The following CACNA2D3 variants were observed in gnomAD, a reference collection of about 807,000 sequenced individuals.
CACNA2D3 encodes calcium voltage-gated channel auxiliary subunit alpha2delta 3.
A neutral mutation model predicts 160.6 loss-of-function variants in CACNA2D3; 60 were observed. The ratio of observed to expected loss-of-function variants is 0.37; its 90% CI spans 0.30 to 0.46. The LOEUF (loss-of-function observed/expected upper bound fraction) is 0.46. Among genes scored for constraint, CACNA2D3 ranks in the 20% least tolerant of loss-of-function variants. CACNA2D3 has a pLI of 1.00. For missense variants in CACNA2D3, 1,205 were observed against 1,365.0 expected (o/e 0.88, Z 1.85); for synonymous variants, 558 against 492.9 (o/e 1.13, Z -1.75).
chr3:54,756,434 A>G (rs565773808), intron 12 of CACNA2D3, among the ~76,000 whole-genome samples: 18 of 152,308 alleles, frequency 1.2e-4, no homozygotes, highest in Middle Eastern at 3.4e-3. Context: ...TTCTATGGTC[A>G]TTAATTAAAT....
intron 2 of CACNA2D3, among the ~76,000 whole-genome samples, chr3:54,129,612 G>C (rs1355128061): frequency 6.6e-6 from 1 of 152,216 alleles, no homozygotes; most frequent in East Asian, 1.9e-4. Context: ...GTGCACTTCA[G>C]AGTATTTATC....
intron 2 of CACNA2D3, among the ~76,000 whole-genome samples, chr3:54,191,350 C>T (rs62252186): frequency 0.014 from 2,146 of 152,070 alleles, 20 homozygotes; most frequent in South Asian, 0.027. Flanking sequence ...ATTTTTCTGC[C>T]TTCTGGCCAT....
chr3:54,609,254 G>T, intron 9 of CACNA2D3, among the ~76,000 whole-genome samples: 1 of 152,158 alleles, frequency 6.6e-6, no homozygotes, highest in Non-Finnish European at 1.5e-5. Flanking sequence ...CAAGAAAGGA[G>T]GCCTCGGGAG....
chr3:54,170,442 A>G (rs1700541724), intron 2 of CACNA2D3, among the ~76,000 whole-genome samples: 1 of 152,234 alleles, frequency 6.6e-6, no homozygotes, highest in South Asian at 2.1e-4. Context: ...TGATAAACAT[A>G]TTCTTGATTC....
intron 2 of CACNA2D3, among the ~76,000 whole-genome samples, chr3:54,234,215 A>G (rs887851251): frequency 6.6e-5 from 10 of 152,230 alleles, no homozygotes; most frequent in African/African-American, 2.4e-4. Context: ...AAAAGAAGAC[A>G]TACATGCAGC....
At chr3:54,373,412 A>C (rs1324751351) in intron 3 of CACNA2D3, among the ~76,000 whole-genome samples, 3 of 152,190 alleles carry the variant, frequency 2.0e-5, no homozygotes, top group Non-Finnish European at 4.4e-5. Flanking sequence ...CTGGTATGTT[A>C]TGAATGAACA....
At chr3:54,233,075 G>A (rs920816933) in intron 2 of CACNA2D3, among the ~76,000 whole-genome samples, 1 of 152,166 alleles carries the variant, frequency 6.6e-6, no homozygotes, top group Non-Finnish European at 1.5e-5. Context: ...GTGGTTGGGT[G>A]TGTTCAGGAA....
chr3:54,418,437 A>G (rs1188312578), intron 4 of CACNA2D3, among the ~76,000 whole-genome samples: 6 of 152,214 alleles, frequency 3.9e-5, no homozygotes, highest in African/African-American at 1.4e-4. Flanking sequence ...AGGAGGAATT[A>G]TAGCTTAAAG....
chr3:54,612,075 C>T (rs1026851895), intron 9 of CACNA2D3, among the ~76,000 whole-genome samples: 1 of 152,158 alleles, frequency 6.6e-6, no homozygotes, highest in African/African-American at 2.4e-5. Flanking sequence ...AGTTGGCTGT[C>T]CCAGGGTTGG....
chr3:54,262,543 A>G (rs1358047538), intron 2 of CACNA2D3, among the ~76,000 whole-genome samples: 2 of 152,186 alleles, frequency 1.3e-5, no homozygotes. Context: ...AAATATGTTC[A>G]GGCTTTCAAA....
rs1480111980 is a variant in CACNA2D3 at position 54,942,126 on chromosome 3, C to A, written c.2450-26324C>A. ...CTAGAGCCTGGCAATCCTTTGTTAC[C>A]TTAGCCATGGCATCCCAGAGCATCT... On this transcript the variant is annotated intron_variant, in intron 27 of 37. Transcript: ENST00000474759. Among the ~76,000 whole-genome samples, 5 of 152,232 alleles carry A rather than the reference C, an allele frequency of 3.3e-5. No homozygotes were observed. In the East Asian group the frequency reaches 9.6e-4, roughly 29 times the overall value.
chr3:54,657,867 A>T (rs1454912688), intron 11 of CACNA2D3, among the ~76,000 whole-genome samples: 2 of 152,088 alleles, frequency 1.3e-5, no homozygotes, highest in Non-Finnish European at 2.9e-5. Flanking sequence ...CGTCTCTACT[A>T]AAAATACAAA....
chr3:54,823,997 C>G (rs1703696170), intron 14 of CACNA2D3, among the ~76,000 whole-genome samples: 3 of 152,118 alleles, frequency 2.0e-5, no homozygotes, highest in Admixed American at 1.3e-4. Context: ...GTTAACCTAA[C>G]AATAGTCTGC....
At chr3:54,586,125 G>C (rs1175641569) in intron 9 of CACNA2D3, among the ~76,000 whole-genome samples, 1 of 152,016 alleles carries the variant, frequency 6.6e-6, no homozygotes, top group South Asian at 2.1e-4. Flanking sequence ...TTAGCTGGGC[G>C]TGGTGGCACA....
At chr3:54,770,224 T>C (rs2107110679) in intron 13 of CACNA2D3, among the ~76,000 whole-genome samples, 1 of 152,324 alleles carries the variant, frequency 6.6e-6, no homozygotes, top group Non-Finnish European at 1.5e-5. Flanking sequence ...CTGTTTTTAG[T>C]AGTGGTATTT....
chr3:55,035,372 G>A (rs972403511), intron 35 of CACNA2D3, among the ~76,000 whole-genome samples: 3 of 152,210 alleles, frequency 2.0e-5, no homozygotes, highest in Middle Eastern at 3.4e-3. Context: ...GCAGAAAAAC[G>A]AGCTTCAGAA....
At chr3:54,180,901 A>G (rs147906946) in intron 2 of CACNA2D3, among the ~76,000 whole-genome samples, 266 of 152,334 alleles carry the variant, frequency 1.7e-3, no homozygotes, top group African/African-American at 5.7e-3. Flanking sequence ...GTAGGGGCTC[A>G]GTAAACATTT....
At chr3:54,767,578 C>A (rs763831704) in intron 13 of CACNA2D3, among the ~76,000 whole-genome samples, 1 of 152,036 alleles carries the variant, frequency 6.6e-6, no homozygotes, top group African/African-American at 2.4e-5. Flanking sequence ...CCATCCAGTA[C>A]CCAGATTCTG....
intron 5 of CACNA2D3, among the ~76,000 whole-genome samples, chr3:54,549,092 C>T (rs1347768915): frequency 6.6e-6 from 1 of 152,210 alleles, no homozygotes; most frequent in Non-Finnish European, 1.5e-5. Flanking sequence ...TGCATATTGT[C>T]TCTCCAATAT....
Sources: gnomAD v4.1 joint callset for allele counts (sites outside exome capture counted in the v4.1 genomes callset) on GRCh38, gnomAD v4.1.1 for gene constraint, MANE v1.5 for transcripts, NCBI Gene and HGNC (gene_info 2026-07-23, HGNC 2026-07-21) for gene names.